The following PHKA2 variants were observed in gnomAD, a reference collection of about 807,000 sequenced individuals.
PHKA2 encodes phosphorylase kinase regulatory subunit alpha 2, also known as phosphorylase b kinase regulatory subunit alpha, liver isoform.
Under a neutral mutation model 102.0 loss-of-function variants are expected in PHKA2, and 31 were observed. That is an observed-to-expected ratio of 0.30 (90% CI 0.23 to 0.41). PHKA2 has a LOEUF of 0.41. Ranked by LOEUF, PHKA2 falls within the 10% of genes least tolerant of loss-of-function variation. The pLI is 1.00. For missense variants in PHKA2, 858 were observed against 1,023.1 expected, an observed-to-expected ratio of 0.84 and a Z score of 2.20; for synonymous variants, 455 against 416.2, an observed-to-expected ratio of 1.09 and a Z score of -1.13.
intron 17 of PHKA2, among the ~76,000 whole-genome samples, chrX:18,921,941 T>C (rs2048129723): frequency 8.9e-6 from 1 of 112,695 alleles, no homozygotes; most frequent in South Asian, 3.6e-4. Context: ...AATGATTAGA[T>C]CTCAATAAAA....
intron 20 of PHKA2, among the ~76,000 whole-genome samples, chrX:18,910,084 CTGAGA>C: frequency 8.9e-6 from 1 of 112,503 alleles, no homozygotes; most frequent in Middle Eastern, 4.7e-3. Flanking sequence ...ATGGAACAGG[CTGAGA>C]TTTTATTCTC....
At chrX:18,951,817 T>C (rs921581136) in intron 3 of PHKA2, among the ~76,000 whole-genome samples, 2 of 110,977 alleles carry the variant, frequency 1.8e-5, no homozygotes, top group African/African-American at 6.6e-5. Context: ...AACAATAATA[T>C]CAAGTTTTTA....
At chrX:18,955,508 G>GA (rs1243349437) in intron 1 of PHKA2, among the ~76,000 whole-genome samples, 26 of 110,016 alleles carry the variant, frequency 2.4e-4, no homozygotes, top group Non-Finnish European at 4.5e-4. Context: ...AGTAAATAAA[G>GA]CTATTAATTT....
intron 2 of PHKA2, 27 bp downstream of exon 2, chrX:18,954,227 C>T (rs1170664010): frequency 1.4e-5 from 17 of 1,203,373 alleles, no homozygotes; most frequent in East Asian, 8.9e-5. Flanking sequence ...GCTGAGCAGC[C>T]GAGATACAGC....
intron 1 of PHKA2, among the ~76,000 whole-genome samples, chrX:18,969,130 A>T (rs990754637): frequency 2.7e-5 from 3 of 110,677 alleles, no homozygotes; most frequent in African/African-American, 9.9e-5. Flanking sequence ...AAAAAAAAAA[A>T]AAGTTTCCCC....
intron 17 of PHKA2, among the ~76,000 whole-genome samples, chrX:18,921,867 C>T (rs779983723): frequency 8.9e-6 from 1 of 112,717 alleles, no homozygotes; most frequent in East Asian, 2.8e-4. Flanking sequence ...AGTGAAGCCT[C>T]AATGAGACAA....
intron 11 of PHKA2, among the ~76,000 whole-genome samples, chrX:18,933,760 T>C (rs1299950013): frequency 3.6e-5 from 4 of 111,565 alleles, no homozygotes; most frequent in Non-Finnish European, 7.5e-5. Context: ...ATGCAATCAG[T>C]GTCAAAGAGT....
intron 28 of PHKA2, among the ~76,000 whole-genome samples, chrX:18,899,739 C>A (rs2047642937): frequency 8.9e-6 from 1 of 111,894 alleles, no homozygotes; most frequent in Non-Finnish European, 1.9e-5. Context: ...CTAGAATGTA[C>A]CCTTAATTTG....
At chrX:18,912,888 G>A (rs1410118296) in intron 19 of PHKA2, among the ~76,000 whole-genome samples, 1 of 110,454 alleles carries the variant, frequency 9.1e-6, no homozygotes, top group East Asian at 2.8e-4. Flanking sequence ...TCCAGCCTCG[G>A]CAACAAGAAT....
rs892043529 is a variant in PHKA2, at chrX:18,939,655, G to A, written c.918+340C>T. On this transcript the variant is annotated intron_variant, in intron 9 of 32. Coordinates refer to ENST00000379942, the MANE Select transcript of PHKA2 (RefSeq NM_000292.3). ...ACTACAGGTGCCCGCCACCACACCC[G>A]GCTAATTTTTTGTATTTTTAGTAGA... 2.5e-3 allele frequency among the ~76,000 whole-genome samples: 275 copies of A among 111,516 alleles called. 2 individuals carry two copies. Among genetic ancestry groups the A allele is most frequent in the Middle Eastern group, 0.014 (3 of 216 alleles).
At chrX:18,944,500 G>A (rs193265470) in intron 6 of PHKA2, among the ~76,000 whole-genome samples, 1 of 111,869 alleles carries the variant, frequency 8.9e-6, no homozygotes, top group Non-Finnish European at 1.9e-5. Flanking sequence ...CACACCATAT[G>A]TCTATGGCAA....
chrX:18,977,031 G>A (rs975497459), intron 1 of PHKA2, among the ~76,000 whole-genome samples: 6 of 111,747 alleles, frequency 5.4e-5, no homozygotes, highest in Middle Eastern at 4.6e-3. Flanking sequence ...TACATGTAAG[G>A]ATATAAATTT....
rs758041602 is a variant in PHKA2 at position 18,913,781 on chromosome X, A to T, written c.2138-2821T>A. Among the ~76,000 whole-genome samples the T allele has an allele frequency of 3.6e-5, 4 of 111,919 alleles. No individual in the cohort carries two copies. In the South Asian group the frequency reaches 1.5e-3, roughly 41 times the overall value. On this transcript the variant is annotated intron_variant, in intron 19 of 32. Coordinates refer to ENST00000379942, the MANE Select transcript of PHKA2 (RefSeq NM_000292.3). ...TTATTTTACTTTTTAAACTTTTTTTAAAAAATGAAAACACAAACACACACA... is the reference window on the plus strand; with the variant it reads ...TTATTTTACTTTTTAAACTTTTTTTTAAAAATGAAAACACAAACACACACA...
At chrX:18,917,596 C>T (rs1163490153) in intron 19 of PHKA2, among the ~76,000 whole-genome samples, 1 of 111,768 alleles carries the variant, frequency 8.9e-6, no homozygotes, top group Non-Finnish European at 1.9e-5. Context: ...CTATACCCAG[C>T]CAAACTCTCA....
chrX:18,899,856 G>A (rs180700074), intron 28 of PHKA2, among the ~76,000 whole-genome samples: 49 of 111,742 alleles, frequency 4.4e-4, no homozygotes, highest in Non-Finnish European at 6.6e-4. Flanking sequence ...GTTCCTTGAC[G>A]TAAGTGGTCA....
Position 18,894,369 on chromosome X carries a change from G to A in PHKA2, c.3372C>T (p.Val1124=), listed in dbSNP as rs2047492860. The A allele has an allele frequency of 9.1e-6, 11 of 1,210,245 alleles. No homozygotes were observed. The highest frequency in any genetic ancestry group is 2.3e-4 in the Middle Eastern group (1 of 4,372). The change falls in exon 32 of 33, where the codon GTC becomes GTT. Residue 1124 remains valine, a synonymous_variant. Transcript: ENST00000379942. ...TPHEIKFAVH[V]ESVLNRVPQP... ...GCGGCACGCGGTTCAGCACCGATTC[G>A]ACATGGACAGCAAACTTGATCTCAT...
intron 18 of PHKA2, among the ~76,000 whole-genome samples, chrX:18,919,728 C>CAAAAAAAAAAA (rs56042937): frequency 4.4e-4 from 12 of 27,533 alleles, no homozygotes; most frequent in Non-Finnish European, 5.3e-4. Context: ...CAAACAACAA[C>CAAAAAAAAAAA]AAAAAAAAAA....
At chrX:18,936,997 G>A (rs1274776436) in intron 10 of PHKA2, among the ~76,000 whole-genome samples, 1 of 111,689 alleles carries the variant, frequency 9.0e-6, no homozygotes, top group Non-Finnish European at 1.9e-5. Flanking sequence ...TCAATTCTGG[G>A]ATAAAATGAC....
intron 26 of PHKA2, among the ~76,000 whole-genome samples, chrX:18,904,193 G>T (rs1029082438): frequency 9.0e-6 from 1 of 111,693 alleles, no homozygotes; most frequent in African/African-American, 3.3e-5. Context: ...GATGAGCTGG[G>T]GAGGGAGGAC....
Sources: allele counts gnomAD v4.1 joint callset (sites outside exome capture counted in the v4.1 genomes callset), GRCh38; gene constraint gnomAD v4.1.1; transcripts MANE v1.5; gene names NCBI Gene and HGNC (gene_info 2026-07-23, HGNC 2026-07-21).